Variants in COL21A1 observed in about 807,000 individuals in gnomAD.
COL21A1 encodes the protein collagen alpha-1(XXI) chain.
COL21A1 carries 149 observed loss-of-function variants against 137.9 expected under a neutral mutation model. That is an observed-to-expected ratio of 1.08 (90% CI 0.95 to 1.24). The LOEUF is 1.24. COL21A1 is among the 50% of genes most tolerant of loss of function. The pLI is 0.00. For missense variants in COL21A1, 1,167 were observed against 1,158.4 expected (o/e 1.01, Z -0.11); for synonymous variants, 456 against 391.5 (o/e 1.16, Z -1.95).
At position 56,120,786 on chromosome 6, in the gene COL21A1, C is replaced by T. The variant is rs575880165; in HGVS notation, c.1758+3276G>A. On this transcript the variant is annotated intron_variant, in intron 16 of 29. Coordinates refer to ENST00000244728, the MANE Select transcript of COL21A1 (RefSeq NM_030820.4). ...TCCAGCCTGGGCAACAAGAGCAAAA[C>T]TCTGTCTCAATTTAAAAAAAAAAAA... Among the ~76,000 whole-genome samples the T allele has an allele frequency of 2.2e-4, 30 of 137,692 alleles. 1 individual carries two copies. In the South Asian group the frequency reaches 7.0e-3, roughly 32 times the overall value. 90.3% of individuals were successfully genotyped at this position (137,692 alleles called of 152,430 possible).
At chr6:56,182,451 A>G in intron 2 of COL21A1, 80 bp downstream of exon 2, 1 of 894,778 alleles carries the variant, frequency 1.1e-6, no homozygotes, top group South Asian at 1.4e-5. Flanking sequence ...AGATCCTTAA[A>G]ACCATTACTT....
At chr6:56,097,988 T>C (rs1442067460) in intron 17 of COL21A1, among the ~76,000 whole-genome samples, 1 of 50,300 alleles carries the variant, frequency 2.0e-5, no homozygotes, top group Admixed American at 3.5e-4. Flanking sequence ...TATATAAATA[T>C]ATATGTAAAT....
chr6:56,356,407 T>C (rs906404814), intron 1 of COL21A1, among the ~76,000 whole-genome samples: 3 of 152,164 alleles, frequency 2.0e-5, no homozygotes, highest in Admixed American at 2.0e-4. Context: ...CTACCCACTA[T>C]ATGTCAGGGG....
At chr6:56,223,890 A>C (rs1437607680) in intron 1 of COL21A1, among the ~76,000 whole-genome samples, 1 of 151,920 alleles carries the variant, frequency 6.6e-6, no homozygotes, top group Admixed American at 6.6e-5. Context: ...AAAGTATTGG[A>C]AGATACTCAT....
At chr6:56,283,880 T>A (rs62411913) in intron 1 of COL21A1, among the ~76,000 whole-genome samples, 39,211 of 150,570 alleles carry the variant, frequency 0.26, 5,642 homozygotes, top group Non-Finnish European at 0.33. Context: ...ACACACTCTC[T>A]CTCTCTCTCT....
intron 17 of COL21A1, among the ~76,000 whole-genome samples, chr6:56,099,288 C>T (rs1770212847): frequency 7.2e-6 from 1 of 138,290 alleles, no homozygotes; most frequent in Admixed American, 7.9e-5. Context: ...GGCTGGAGTG[C>T]AGTGGCGCCA....
chr6:56,095,027 A>AT (rs1323162762), intron 17 of COL21A1, among the ~76,000 whole-genome samples: 2 of 152,128 alleles, frequency 1.3e-5, no homozygotes, highest in Non-Finnish European at 2.9e-5. Context: ...AGGGGGAGGC[A>AT]TTTTTTAACC....
intron 1 of COL21A1, among the ~76,000 whole-genome samples, chr6:56,303,384 G>C (rs1331770712): frequency 4.6e-5 from 7 of 151,484 alleles, no homozygotes; most frequent in Non-Finnish European, 8.9e-5. Flanking sequence ...TCTTGCATTT[G>C]TTTGTATCCT....
At chr6:56,264,405 T>C (rs2152331289) in intron 1 of COL21A1, among the ~76,000 whole-genome samples, 1 of 152,290 alleles carries the variant, frequency 6.6e-6, no homozygotes, top group African/African-American at 2.4e-5. Flanking sequence ...TCCTTCTACT[T>C]CTATGGTGGC....
intron 1 of COL21A1, among the ~76,000 whole-genome samples, chr6:56,269,288 G>A (rs553545044): frequency 3.4e-4 from 52 of 152,190 alleles, no homozygotes; most frequent in Admixed American, 2.5e-3. Context: ...CAAGATAACT[G>A]TCCCCAAGAC....
chr6:56,357,838 T>C (rs1354383828), intron 1 of COL21A1, among the ~76,000 whole-genome samples: 1 of 152,142 alleles, frequency 6.6e-6, no homozygotes, highest in Non-Finnish European at 1.5e-5. Context: ...TGGGAGATAA[T>C]AGGCATCTTC....
At chr6:56,066,977 A>AAGC in intron 23 of COL21A1, among the ~76,000 whole-genome samples, 1 of 146,546 alleles carries the variant, frequency 6.8e-6, no homozygotes. Context: ...ATATATATAT[A>AAGC]TGTGTGTGTG....
At chr6:56,361,921 T>C (rs1242136379) in intron 1 of COL21A1, among the ~76,000 whole-genome samples, 1 of 152,146 alleles carries the variant, frequency 6.6e-6, no homozygotes, top group Admixed American at 6.5e-5. Context: ...TCAAGCATTG[T>C]TTTCAAACAG....
chr6:56,097,584 T>C (rs1429857499), intron 17 of COL21A1, among the ~76,000 whole-genome samples: 1 of 150,510 alleles, frequency 6.6e-6, no homozygotes, highest in African/African-American at 2.4e-5. Flanking sequence ...CTCCCTGGAA[T>C]GGTAAATTAT....
intron 10 of COL21A1, among the ~76,000 whole-genome samples, chr6:56,148,545 A>C (rs1231464093): frequency 1.3e-5 from 2 of 152,166 alleles, no homozygotes; most frequent in African/African-American, 4.8e-5. Context: ...AATCAGCTGT[A>C]TCCCATTTTC....
chr6:56,252,526 G>C (rs1306488333), upstream of COL21A1, among the ~76,000 whole-genome samples: 1 of 152,174 alleles, frequency 6.6e-6, no homozygotes, highest in Non-Finnish European at 1.5e-5. Flanking sequence ...TTTTGAAAAA[G>C]AGGCATCAGA....
At chr6:56,364,839 C>T (rs6938343) in intron 1 of COL21A1, among the ~76,000 whole-genome samples, 38,720 of 151,340 alleles carry the variant, frequency 0.26, 5,606 homozygotes, top group African/African-American at 0.38. Context: ...TCTTTTACCA[C>T]AGCTATTATT....
chr6:56,306,375 A>G (rs1764452644), intron 1 of COL21A1, among the ~76,000 whole-genome samples: 2 of 151,738 alleles, frequency 1.3e-5, no homozygotes, highest in African/African-American at 4.8e-5. Flanking sequence ...CACCGATCAG[A>G]CATAGATTTG....
chr6:56,239,608 T>C (rs1463450040), intron 1 of COL21A1, among the ~76,000 whole-genome samples: 1 of 152,206 alleles, frequency 6.6e-6, no homozygotes, highest in Non-Finnish European at 1.5e-5. Context: ...AAAAATTTTT[T>C]ATATAATTTC....
Sources: allele counts gnomAD v4.1 joint callset (sites outside exome capture counted in the v4.1 genomes callset), GRCh38; gene constraint gnomAD v4.1.1; transcripts MANE v1.5; gene names NCBI Gene and HGNC (gene_info 2026-07-23, HGNC 2026-07-21).